The following CAMTA1 variants were observed in gnomAD, a reference collection of about 807,000 sequenced individuals.
CAMTA1 encodes calmodulin-binding transcription activator 1.
In CAMTA1, 27 loss-of-function variants were observed where a neutral mutation model predicts 170.9. The ratio of observed to expected loss-of-function variants is 0.16; its 90% CI spans 0.12 to 0.22. The LOEUF is 0.22. CAMTA1 is among the 10% of genes least tolerant of loss of function. The pLI is 1.00. For missense variants in CAMTA1, 1,619 were observed against 2,217.2 expected (o/e 0.73, Z 5.42); for synonymous variants, 833 against 891.5 (o/e 0.93, Z 1.17).
At chr1:7,449,899 C>T (rs1372312519) in intron 5 of CAMTA1, among the ~76,000 whole-genome samples, 1 of 152,142 alleles carries the variant, frequency 6.6e-6, no homozygotes, top group Non-Finnish European at 1.5e-5. Context: ...CCATGCAGCC[C>T]CCAGGGGAGA....
chr1:7,651,112 C>G (rs2095846194), intron 7 of CAMTA1, among the ~76,000 whole-genome samples: 1 of 152,190 alleles, frequency 6.6e-6, no homozygotes, highest in South Asian at 2.1e-4. Flanking sequence ...CCAGCCTATA[C>G]CAGCACCTGG....
rs570002703 is a variant in CAMTA1, at chr1:7,286,473, C to G, written c.438+36847C>G. 6.6e-6 allele frequency among the ~76,000 whole-genome samples: 1 copy of G among 152,286 alleles called. No homozygotes were observed. Among genetic ancestry groups the G allele is most frequent in the South Asian group, 2.1e-4 (1 of 4,820 alleles). On this transcript the variant is annotated intron_variant, in intron 5 of 22. Transcript: ENST00000303635. This position sits in a 1 kb window ranked among gnomAD's most constrained non-coding sequence, Gnocchi z 4.2. ...TGGCATCCAATCTCTTCTCTTTGGGCTGGAATCATGAACGTTCAGGGTCGT... is the reference window on the plus strand; with the variant it reads ...TGGCATCCAATCTCTTCTCTTTGGGGTGGAATCATGAACGTTCAGGGTCGT...
In CAMTA1 at chr1:7,173,092, C is replaced by T. The variant is rs1007054440; in HGVS notation, c.303-76399C>T. Among the ~76,000 whole-genome samples the T allele has an allele frequency of 3.3e-5, 5 of 152,220 alleles. No individual in the cohort carries two copies. The highest frequency in any genetic ancestry group is 9.6e-5 in the African/African-American group (4 of 41,456). On this transcript the variant is annotated intron_variant, in intron 4 of 22. Coordinates refer to ENST00000303635, the MANE Select transcript of CAMTA1 (RefSeq NM_015215.4). The surrounding 1 kb of genome is among the most constrained non-coding windows in gnomAD (Gnocchi z 5.4). ...AGGCTCCGAAGCAAGAGCAGCCAGA[C>T]GCTGCGTCCCTCCTGTCTCTTCAGC... is the stretch of plus-strand genomic sequence containing the variant.
intron 5 of CAMTA1, among the ~76,000 whole-genome samples, chr1:7,284,126 G>C (rs975367159): frequency 5.6e-5 from 6 of 106,940 alleles, no homozygotes; most frequent in South Asian, 3.6e-4. Flanking sequence ...ATTTGCTGCT[G>C]TTCTTCTTCT....
In CAMTA1 at chr1:6,809,316, C is replaced by T. The variant is rs963489570; in HGVS notation, c.46-10865C>T. ...TGCTAGGATTACAGACGTGAGCCACCGCGCCTGGCCGGTATCGCTGTTTTT... is the reference window on the plus strand; with the variant it reads ...TGCTAGGATTACAGACGTGAGCCACTGCGCCTGGCCGGTATCGCTGTTTTT... On this transcript the variant is annotated intron_variant, in intron 1 of 22. Coordinates refer to ENST00000303635, the MANE Select transcript of CAMTA1 (RefSeq NM_015215.4). Among the ~76,000 whole-genome samples the T allele has an allele frequency of 5.9e-5, 9 of 152,116 alleles. No homozygotes were observed. The East Asian group carries it at 1.4e-3, about 23-fold the overall frequency.
intron 3 of CAMTA1, among the ~76,000 whole-genome samples, chr1:7,072,942 T>G (rs749728485): frequency 6.6e-6 from 1 of 152,180 alleles, no homozygotes; most frequent in Non-Finnish European, 1.5e-5. Context: ...GCTTTGAGTC[T>G]GGGTGAGATG....
intron 6 of CAMTA1, among the ~76,000 whole-genome samples, chr1:7,555,827 T>C (rs955756841): frequency 2.6e-5 from 4 of 152,194 alleles, no homozygotes; most frequent in Non-Finnish European, 5.9e-5. Context: ...CCTGTTCTCC[T>C]AAATGCCCCA....
At chr1:7,009,239 G>A (rs1482047823) in intron 3 of CAMTA1, among the ~76,000 whole-genome samples, 1 of 152,224 alleles carries the variant, frequency 6.6e-6, no homozygotes, top group Non-Finnish European at 1.5e-5. Context: ...GCAGAGTTGT[G>A]AGTGCTGGAG....
chr1:6,798,597 T>TAGTAGAGGTGAGG (rs1643138277), intron 1 of CAMTA1, among the ~76,000 whole-genome samples: 1 of 127,694 alleles, frequency 7.8e-6, no homozygotes, highest in Non-Finnish European at 1.7e-5. Flanking sequence ...TTTTTTTTTT[T>TAGTAGAGGTGAGG]TTTTTTTTTT....
intron 3 of CAMTA1, among the ~76,000 whole-genome samples, chr1:7,081,512 G>C (rs1277191164): frequency 6.6e-6 from 1 of 152,248 alleles, no homozygotes; most frequent in Non-Finnish European, 1.5e-5. Context: ...GGGGCAATGA[G>C]TGTTCTGGTT....
intron 3 of CAMTA1, among the ~76,000 whole-genome samples, chr1:6,933,242 C>G (rs1684724441): frequency 6.6e-6 from 1 of 151,970 alleles, no homozygotes; most frequent in Non-Finnish European, 1.5e-5. Context: ...CAATCTTTAG[C>G]TAATGCAAAG....
At chr1:7,754,653 C>T (rs2096919255) in intron 21 of CAMTA1, among the ~76,000 whole-genome samples, 1 of 152,072 alleles carries the variant, frequency 6.6e-6, no homozygotes, top group Admixed American at 6.5e-5. Flanking sequence ...TGTTAATAAC[C>T]TTATAAGATG....
At chr1:7,213,791 A>G (rs1370281995) in intron 4 of CAMTA1, among the ~76,000 whole-genome samples, 6 of 151,806 alleles carry the variant, frequency 4.0e-5, no homozygotes, top group Admixed American at 2.6e-4. Flanking sequence ...CCTGTGTGCA[A>G]TGTTCCCCTT....
intron 6 of CAMTA1, among the ~76,000 whole-genome samples, chr1:7,523,912 C>A (rs1191301415): frequency 6.9e-6 from 1 of 145,132 alleles, no homozygotes; most frequent in Non-Finnish European, 1.5e-5. Context: ...ATAATAATTT[C>A]ATTTTCTTGG....
At chr1:6,913,537 C>T (rs1680150446) in intron 3 of CAMTA1, among the ~76,000 whole-genome samples, 1 of 152,202 alleles carries the variant, frequency 6.6e-6, no homozygotes, top group Non-Finnish European at 1.5e-5. Flanking sequence ...CCCCCAGCTT[C>T]CTCCTGCATA....
Position 7,734,838 on chromosome 1 carries a change from GA to G in CAMTA1, c.3067-1497del, listed in dbSNP as rs965799640. Among the ~76,000 whole-genome samples the G allele has an allele frequency of 3.3e-5, 5 of 150,920 alleles. 1 individual carries two copies. Among genetic ancestry groups the G allele is most frequent in the African/African-American group, 4.9e-5 (2 of 41,080 alleles). On this transcript the variant is annotated intron_variant, in intron 12 of 22. Coordinates refer to ENST00000303635, the MANE Select transcript of CAMTA1 (RefSeq NM_015215.4). ...GTAAAGTTTATGGAGTTTATTGCCAGAAAAAAAAAGTACTTTTTAAGTAACA... is the reference window on the plus strand; with the variant it reads ...GTAAAGTTTATGGAGTTTATTGCCAGAAAAAAAAGTACTTTTTAAGTAACA...
chr1:7,663,311 T>C, intron 8 of CAMTA1, 42 bp from the exon 9 acceptor site: 1 of 1,513,814 alleles, frequency 6.6e-7, no homozygotes. Flanking sequence ...TGCACATGTG[T>C]GCCTGCGTGT....
At chr1:7,618,190 C>T (rs1026667320) in intron 6 of CAMTA1, among the ~76,000 whole-genome samples, 1 of 152,200 alleles carries the variant, frequency 6.6e-6, no homozygotes, top group Non-Finnish European at 1.5e-5. Context: ...ACCCTGAGGA[C>T]ACTGACTCTC....
chr1:6,852,483 T>C (rs1158142873), intron 3 of CAMTA1, among the ~76,000 whole-genome samples: 1 of 152,232 alleles, frequency 6.6e-6, no homozygotes, highest in African/African-American at 2.4e-5. Flanking sequence ...CGATATTTCT[T>C]ACCGACTGCT....
Sources: gnomAD v4.1 joint callset for allele counts (sites outside exome capture counted in the v4.1 genomes callset) on GRCh38, gnomAD v4.1.1 for gene constraint, Gnocchi (gnomAD v3.1) non-coding constraint, MANE v1.5 for transcripts, NCBI Gene and HGNC (gene_info 2026-07-23, HGNC 2026-07-21) for gene names.